MYH4: variants seen among roughly 807,000 people sequenced by gnomAD.
The protein encoded by MYH4 is myosin heavy chain 4.
MYH4 carries 200 observed loss-of-function variants against 229.9 expected under a neutral mutation model. The ratio of observed to expected loss-of-function variants is 0.87; its 90% CI spans 0.78 to 0.98. MYH4 has a LOEUF of 0.98. MYH4 is among the 50% of genes least tolerant of loss of function. The pLI is 0.00. For missense variants in MYH4, 2,148 were observed against 2,332.6 expected, an observed-to-expected ratio of 0.92 and a Z score of 1.63; for synonymous variants, 761 against 834.6, an observed-to-expected ratio of 0.91 and a Z score of 1.52.
chr17:10,452,062 TCAGCCACACTATCTGCGTG>T lies in MYH4; in HGVS notation c.3598_3616del (p.His1200SerfsTer23). The stretch of plus-strand genomic sequence containing the variant: ...AAGGCTGTCAATCTGCTCCCCAAGC[TCAGCCACACTATCTGCGTG>T]CTTCTTCCGAAGAGCAGCTGCCGTG... On this transcript the variant is annotated frameshift_variant, in exon 27 of 40. Transcript: ENST00000255381. LOFTEE classifies it high-confidence loss of function. 6.2e-7 allele frequency: 1 copy of T among 1,613,972 alleles called. No individual in the cohort carries two copies. Among genetic ancestry groups the T allele is most frequent in the Non-Finnish European group, 8.5e-7 (1 of 1,179,978 alleles).
At chr17:10,449,714 G>T (rs1051420163) in intron 30 of MYH4, among the ~76,000 whole-genome samples, 1 of 152,098 alleles carries the variant, frequency 6.6e-6, no homozygotes, top group Non-Finnish European at 1.5e-5. Flanking sequence ...AAATATTACT[G>T]CATTATTGCA....
At chr17:10,464,749 CTT>C (rs1364875372) in intron 5 of MYH4, 41 bp from the exon 6 acceptor site, 1 of 1,594,796 alleles carries the variant, frequency 6.3e-7, no homozygotes, top group Non-Finnish European at 8.6e-7. Context: ...GAAAAACACA[CTT>C]AACACATAGG....
In MYH4 at chr17:10,443,570, T is replaced by C. The variant is rs767906245; in HGVS notation, c.5668-43A>G. ...TTTGAGATAACAAGAAAATTGGACA[T>C]TTCCTGATTGTTATTGCTTTTGTTA... On this transcript the variant is annotated intron_variant, in intron 39 of 39. Transcript: ENST00000255381. The surrounding 1 kb of genome is among the most constrained non-coding windows in gnomAD (Gnocchi z 4.6). 7 of 1,576,132 alleles carry C rather than the reference T, an allele frequency of 4.4e-6. No homozygotes were observed. Among genetic ancestry groups the C allele is most frequent in the Non-Finnish European group, 6.1e-6 (7 of 1,155,844 alleles).
At chr17:10,452,706 A>G in intron 25 of MYH4, 81 bp downstream of exon 25, 1 of 1,465,242 alleles carries the variant, frequency 6.8e-7, no homozygotes. Context: ...ATGATGTAAC[A>G]TTTTGGAGAT....
intron 11 of MYH4, 43 bp downstream of exon 11, chr17:10,462,822 G>A (rs963942392): frequency 1.3e-6 from 2 of 1,500,918 alleles, no homozygotes; most frequent in African/African-American, 1.4e-5. Context: ...GTTGTACACT[G>A]GAAAATGAAT....
Position 10,453,643 on chromosome 17 carries a change from C to G in MYH4, c.2934G>C (p.Lys978Asn), listed in dbSNP as rs759053415. The G allele has an allele frequency of 3.6e-5, 58 of 1,613,894 alleles. No homozygotes were observed. The Admixed American group carries it at 4.7e-4, about 13-fold the overall frequency. ...TTCTAAAATGGATCATGATTTGTACCTTGTTCTCTGTGGCATGTTTCTCCT... is the reference window on the plus strand; with the variant it reads ...TTCTAAAATGGATCATGATTTGTACGTTGTTCTCTGTGGCATGTTTCTCCT... Reference protein sequence around the residue: ...VEKEKHATENKVKNLTEEMAG... With the variant: ...VEKEKHATENNVKNLTEEMAG... The change falls in exon 23 of 40, where the codon AAG (lysine) becomes AAC (asparagine). Residue 978 changes from lysine to asparagine, a missense_variant and splice_region_variant. Transcript: ENST00000255381.
intron 23 of MYH4, 58 bp from the exon 24 acceptor site, chr17:10,453,386 A>G: frequency 6.2e-7 from 1 of 1,612,180 alleles, no homozygotes; most frequent in South Asian, 1.1e-5. Flanking sequence ...TTGATGAAAA[A>G]CATGATGCTG....
chr17:10,452,614 G>C lies in MYH4; in HGVS notation c.3258-108C>G, dbSNP rs1349542245. On this transcript the variant is annotated intron_variant, in intron 25 of 39. Transcript: ENST00000255381. ...ACTGCTGGTGTTGAAGGAGTGAGTA[G>C]TACAATGTTTTACAGATTAATAATT... The C allele has an allele frequency of 2.4e-6, 3 of 1,246,408 alleles. No homozygotes were observed. In the East Asian group the frequency reaches 7.5e-5, roughly 31 times the overall value. The allele number at this position is 1,246,408 out of a possible 1,614,324, so 77.2% of individuals were successfully genotyped here.
Position 10,465,532 on chromosome 17 carries a change from C to A in MYH4, c.415G>T (p.Val139Leu), listed in dbSNP as rs199887563. The A allele has an allele frequency of 6.2e-7, 1 of 1,614,096 alleles. No individual in the cohort carries two copies. The highest frequency in any genetic ancestry group is 8.5e-7 in the Non-Finnish European group (1 of 1,180,032). ...TTTTTGCCTCGGTAGGCTGTCACCA[C>A]CTCAGGGTTGTACACCGGCAGCCAC... is the stretch of plus-strand genomic sequence containing the variant. ...YKWLPVYNPEVVTAYRGKKRQ... is the reference protein window; with the variant it reads ...YKWLPVYNPELVTAYRGKKRQ... Residue 139 changes from valine (V) to leucine (L), a missense_variant, in exon 5 of 40, where the codon GTG becomes TTG. Physicochemically the swap from Val to Leu is conservative, Grantham distance 32. Coordinates refer to ENST00000255381, the MANE Select transcript of MYH4 (RefSeq NM_017533.2).
At chr17:10,464,129 A>G (rs2072733681) in intron 7 of MYH4, among the ~76,000 whole-genome samples, 1 of 152,138 alleles carries the variant, frequency 6.6e-6, no homozygotes. Flanking sequence ...GAGCATAGAT[A>G]GTACCCAATA....
chr17:10,460,936 G>A lies in MYH4; in HGVS notation c.1127C>T (p.Ala376Val). The change falls in exon 12 of 40, where the codon GCA (alanine) becomes GTA (valine). Residue 376 changes from alanine (A) to valine (V), a missense_variant. Ala to Val is a moderately conservative substitution (Grantham distance 64). Coordinates refer to ENST00000255381, the MANE Select transcript of MYH4 (RefSeq NM_017533.2). ...GGTACCTTCCGTGCCATCTGGCTCT[G>A]CCTGCTCTTCCCTTTGCTTTTGCTT... ...KFKQKQREEQ[A>V]EPDGTEVADK... The A allele has an allele frequency of 6.2e-7, 1 of 1,614,044 alleles. No homozygotes were observed. Among genetic ancestry groups the A allele is most frequent in the Non-Finnish European group, 8.5e-7 (1 of 1,179,988 alleles).
chr17:10,464,338 T>A, intron 7 of MYH4, 134 bp downstream of exon 7: 2 of 781,072 alleles, frequency 2.6e-6, no homozygotes, highest in Admixed American at 6.3e-5. Context: ...AAATATGATT[T>A]TGATCTTTTT....
chr17:10,446,916 G>T (rs989957787), intron 35 of MYH4, 97 bp downstream of exon 35: 4 of 1,279,954 alleles, frequency 3.1e-6, no homozygotes, highest in South Asian at 1.4e-5. Context: ...TCCAGGAAGG[G>T]ACGAAGATTA....
In MYH4 at chr17:10,457,479, T is replaced by C. The variant is rs1031361716; in HGVS notation, c.1838A>G (p.Gln613Arg). The C allele has an allele frequency of 3.1e-6, 5 of 1,614,032 alleles. No homozygotes were observed. In the African/African-American group the frequency reaches 6.7e-5, roughly 22 times the overall value. Residue 613 changes from glutamine (Q) to arginine (R), a missense_variant, in exon 16 of 40, where the codon CAG becomes CGG. Coordinates refer to ENST00000255381, the MANE Select transcript of MYH4 (RefSeq NM_017533.2). ...PLNETVVGLY[Q>R]KSAMKTLAFL... Reference sequence around the variant, plus strand: ...AGCCAGAGTCTTCATTGCAGACTTCTGGTACAGCCCCACCACAGTCTCATT... The same window carrying C: ...AGCCAGAGTCTTCATTGCAGACTTCCGGTACAGCCCCACCACAGTCTCATT...
At chr17:10,463,783 T>C (rs2072729611) in intron 7 of MYH4, 140 bp from the exon 8 acceptor site, 1 of 652,320 alleles carries the variant, frequency 1.5e-6, no homozygotes, top group Non-Finnish European at 2.5e-6. Context: ...AAAAAGAAGG[T>C]AAATCGGGAA....
In MYH4 at chr17:10,459,438, A is replaced by C. The variant is rs778044245; in HGVS notation, c.1417-17T>G. The C allele has an allele frequency of 3.1e-6, 5 of 1,614,184 alleles. No homozygotes were observed. Among genetic ancestry groups the C allele is most frequent in the Admixed American group, 3.3e-5 (2 of 60,030 alleles). ...GCTGTTGAACTACAGAACAAGATAAATATAGGAAATTACGCATAACAAGTA... is the reference window on the plus strand; with the variant it reads ...GCTGTTGAACTACAGAACAAGATAACTATAGGAAATTACGCATAACAAGTA... On this transcript the variant is annotated splice_polypyrimidine_tract_variant and intron_variant, in intron 14 of 39. Transcript: ENST00000255381.
chr17:10,461,171 C>T, intron 11 of MYH4, 117 bp from the exon 12 acceptor site: 1 of 1,159,846 alleles, frequency 8.6e-7, no homozygotes, highest in Non-Finnish European at 1.2e-6. Context: ...TTGACTAGCA[C>T]TTTGCCATCT....
At chr17:10,456,859 G>A (rs2072645423) in intron 16 of MYH4, among the ~76,000 whole-genome samples, 1 of 152,218 alleles carries the variant, frequency 6.6e-6, no homozygotes, top group Non-Finnish European at 1.5e-5. Flanking sequence ...TGAAGGAAGG[G>A]CCAAGGAGAC....
rs778940260 is a variant in MYH4, at chr17:10,448,687, C to G, written c.4462G>C (p.Val1488Leu). ...AGGGATTCCTCGTAGGCATTCTTCA[C>G]CTTGAACAGCTCAGTGCTGAGAGAA... Reference protein sequence around the residue: ...SRSLSTELFKVKNAYEESLDH... With the variant: ...SRSLSTELFKLKNAYEESLDH... Residue 1488 changes from valine (V) to leucine (L), a missense_variant, in exon 32 of 40, where the codon GTG (valine) becomes CTG (leucine). Transcript: ENST00000255381. 6.2e-7 allele frequency: 1 copy of G among 1,614,140 alleles called. No homozygotes were observed. The highest frequency in any genetic ancestry group is 8.5e-7 in the Non-Finnish European group (1 of 1,180,014).
Sources: gnomAD v4.1 joint callset for allele counts (sites outside exome capture counted in the v4.1 genomes callset) on GRCh38, gnomAD v4.1.1 for gene constraint, Gnocchi (gnomAD v3.1) non-coding constraint, MANE v1.5 for transcripts, NCBI Gene and HGNC (gene_info 2026-07-23, HGNC 2026-07-21) for gene names.